The following LRRC7 variants were observed in gnomAD, a reference collection of about 807,000 sequenced individuals.
LRRC7 encodes leucine-rich repeat-containing protein 7.
LRRC7 carries 23 observed loss-of-function variants against 175.7 expected under a neutral mutation model. The ratio of observed to expected loss-of-function variants is 0.13; its 90% CI spans 0.09 to 0.19. The LOEUF is 0.19. Ranked by LOEUF, LRRC7 falls within the 10% of genes least tolerant of loss-of-function variation. LRRC7 has a pLI of 1.00. For synonymous variants in LRRC7, 685 were observed against 680.9 expected (o/e 1.01, Z -0.09); for missense variants, 1,354 against 1,904.7 (o/e 0.71, Z 5.38).
intron 26 of LRRC7, among the ~76,000 whole-genome samples, chr1:70,120,936 TAAA>T (rs1297234466): frequency 6.6e-6 from 1 of 152,044 alleles, no homozygotes; most frequent in Non-Finnish European, 1.5e-5. Flanking sequence ...GTATTAATAA[TAAA>T]AATCATTCCA....
chr1:69,910,498 G>A lies in LRRC7; in HGVS notation c.648-21009G>A, dbSNP rs934655607. The stretch of plus-strand genomic sequence containing the variant: ...TCAGCAGCGGTGGCTGCAGAACAGC[G>A]GTGGCTGTAGAACAGCAGACCTTGG... On this transcript the variant is annotated intron_variant, in intron 7 of 26. Transcript: ENST00000651989. Among the ~76,000 whole-genome samples the A allele has an allele frequency of 5.9e-4, 90 of 152,236 alleles. 1 individual carries two copies. Among genetic ancestry groups the A allele is most frequent in the African/African-American group, 2.0e-3 (83 of 41,548 alleles).
intron 4 of LRRC7, among the ~76,000 whole-genome samples, chr1:69,795,908 TTG>T (rs1178515029): frequency 1.2e-5 from 1 of 80,554 alleles, no homozygotes; most frequent in Non-Finnish European, 2.7e-5. Flanking sequence ...CAGATTTTTT[TTG>T]GGTTTTTTTT....
At chr1:69,964,481 A>T (rs1438225862) in intron 8 of LRRC7, among the ~76,000 whole-genome samples, 1 of 152,234 alleles carries the variant, frequency 6.6e-6, no homozygotes, top group South Asian at 2.1e-4. Flanking sequence ...TTGGACAGTC[A>T]TGAAGAGTCT....
chr1:69,654,742 CT>C (rs1193323566), intron 1 of LRRC7, among the ~76,000 whole-genome samples: 2 of 152,052 alleles, frequency 1.3e-5, no homozygotes, highest in African/African-American at 4.8e-5. Context: ...TACATATTAT[CT>C]TTCTTCAAAC....
Position 70,131,926 on chromosome 1 carries a change from T to G in LRRC7, c.*10039T>G, listed in dbSNP as rs1666680339. Among the ~76,000 whole-genome samples, 2 of 152,190 alleles carry G rather than the reference T, an allele frequency of 1.3e-5. No homozygotes were observed. The highest frequency in any genetic ancestry group is 4.8e-5 in the African/African-American group (2 of 41,442). ...AGTAAGAGTACTTTAATGAAATATT[T>G]TTAAGTAAGAGCATTTTAGAATAAT... On this transcript the variant is annotated 3_prime_UTR_variant, in exon 27 of 27. Transcript: ENST00000651989.
chr1:69,907,815 G>T (rs143124864), intron 7 of LRRC7, among the ~76,000 whole-genome samples: 6,898 of 152,016 alleles, frequency 0.045, 227 homozygotes, highest in Non-Finnish European at 0.069. Context: ...TCTATTGATT[G>T]GAATAGTTTC....
Position 70,038,904 on chromosome 1 carries a change from A to G in LRRC7, c.3080A>G (p.His1027Arg), listed in dbSNP as rs778110082. 9 of 1,613,936 alleles carry G rather than the reference A, an allele frequency of 5.6e-6. No homozygotes were observed. Among genetic ancestry groups the G allele is most frequent in the Non-Finnish European group, 7.6e-6 (9 of 1,179,998 alleles). The part of the protein sequence containing the change: ...ERPDKMLGPE[H>R]GMSSMSRSQS... ...CCGGATAAGATGCTGGGACCAGAGC[A>G]TGGTATGTCCAGTATGTCTCGAAGC... The change falls in exon 21 of 27, where the codon CAT becomes CGT. Residue 1027 changes from histidine to arginine, a missense_variant. Physicochemically the swap from His to Arg is conservative, Grantham distance 29. Coordinates refer to ENST00000651989, the MANE Select transcript of LRRC7 (RefSeq NM_001370785.2).
At chr1:70,096,192 G>A (rs1664381253) in intron 25 of LRRC7, among the ~76,000 whole-genome samples, 3 of 152,186 alleles carry the variant, frequency 2.0e-5, no homozygotes, top group South Asian at 4.1e-4. Context: ...GGGCAGGCTG[G>A]TCTCGAACTC....
chr1:70,125,436 A>T lies in LRRC7; in HGVS notation c.*3549A>T, dbSNP rs1666401068. On this transcript the variant is annotated 3_prime_UTR_variant, in exon 27 of 27. Transcript: ENST00000651989. ...TGCTCTTAATCTTAAAGATGATTGC[A>T]CACATATCACTAATGTAATTACTTA... 2.0e-5 allele frequency among the ~76,000 whole-genome samples: 3 copies of T among 152,204 alleles called. No individual in the cohort carries two copies. The highest frequency in any genetic ancestry group is 2.0e-4 in the Admixed American group (3 of 15,278).
intron 7 of LRRC7, among the ~76,000 whole-genome samples, chr1:69,859,137 G>T (rs999289436): frequency 6.6e-6 from 1 of 152,062 alleles, no homozygotes; most frequent in African/African-American, 2.4e-5. Flanking sequence ...AGTTTGCATG[G>T]ATCTAGAACC....
At chr1:69,824,782 T>C (rs1034198812) in intron 4 of LRRC7, among the ~76,000 whole-genome samples, 1 of 152,178 alleles carries the variant, frequency 6.6e-6, no homozygotes, top group Non-Finnish European at 1.5e-5. Context: ...TTCTGTCAGA[T>C]ATGAAGTACT....
intron 23 of LRRC7, among the ~76,000 whole-genome samples, chr1:70,062,387 A>G (rs1661648665): frequency 1.3e-5 from 2 of 152,118 alleles, no homozygotes; most frequent in South Asian, 4.1e-4. Context: ...GGTGAATTCC[A>G]TATACTCTTT....
intron 4 of LRRC7, among the ~76,000 whole-genome samples, chr1:69,814,034 T>A (rs1325951109): frequency 7.2e-5 from 11 of 152,116 alleles, no homozygotes; most frequent in Admixed American, 2.0e-4. Context: ...TAAGTAAATA[T>A]ATGTACATAC....
At chr1:69,963,940 A>C (rs1269066412) in intron 8 of LRRC7, among the ~76,000 whole-genome samples, 1 of 152,142 alleles carries the variant, frequency 6.6e-6, no homozygotes, top group Non-Finnish European at 1.5e-5. Flanking sequence ...AACTGAATAA[A>C]ATCATTGAAC....
intron 18 of LRRC7, among the ~76,000 whole-genome samples, chr1:70,034,001 C>G (rs949678808): frequency 5.3e-5 from 8 of 152,208 alleles, no homozygotes; most frequent in Non-Finnish European, 1.2e-4. Context: ...ATTCCTATTA[C>G]TGATTACCTT....
rs188064698 is a variant in LRRC7 at position 69,861,820 on chromosome 1, C to T, written c.647+23537C>T. Among the ~76,000 whole-genome samples the T allele has an allele frequency of 1.1e-4, 16 of 152,222 alleles. No homozygotes were observed. The East Asian group carries it at 1.2e-3, about 11-fold the overall frequency. ...TATACCCCGCAGTGTCTGTGTGTGG[C>T]GGACCTGGAAATCACAGGTGTTCTT... On this transcript the variant is annotated intron_variant, in intron 7 of 26. Coordinates refer to ENST00000651989, the MANE Select transcript of LRRC7 (RefSeq NM_001370785.2).
chr1:69,711,992 A>G (rs931715022), intron 2 of LRRC7, among the ~76,000 whole-genome samples: 1 of 152,188 alleles, frequency 6.6e-6, no homozygotes, highest in Non-Finnish European at 1.5e-5. Flanking sequence ...TCATTTACAT[A>G]TAATCAAAGC....
At chr1:69,939,763 G>A (rs546948385) in intron 8 of LRRC7, among the ~76,000 whole-genome samples, 30 of 152,182 alleles carry the variant, frequency 2.0e-4, no homozygotes, top group African/African-American at 6.5e-4. Flanking sequence ...GGTACTTGAC[G>A]TTTGTAGAAC....
chr1:69,787,433 C>T (rs1385401764), intron 3 of LRRC7, among the ~76,000 whole-genome samples: 1 of 152,248 alleles, frequency 6.6e-6, no homozygotes, highest in East Asian at 1.9e-4. Context: ...CTGCACTGCC[C>T]TCGCAGAGAT....
Sources: gnomAD v4.1 joint callset for allele counts (sites outside exome capture counted in the v4.1 genomes callset) on GRCh38, gnomAD v4.1.1 for gene constraint, MANE v1.5 for transcripts, NCBI Gene and HGNC (gene_info 2026-07-23, HGNC 2026-07-21) for gene names.